The following TAFA4 variants were observed in gnomAD, a reference collection of about 807,000 sequenced individuals.
TAFA4 encodes the protein TAFA chemokine like family member 4.
Under a neutral mutation model 21.1 loss-of-function variants are expected in TAFA4, and 20 were observed. That is an observed-to-expected ratio of 0.95 (90% CI 0.67 to 1.38). The LOEUF is 1.38. Ranked by LOEUF, TAFA4 falls within the 40% of genes most tolerant of loss-of-function variation. The pLI, the probability that TAFA4 is intolerant of heterozygous loss-of-function variation, is 0.00. For synonymous variants in TAFA4, 71 were observed against 67.4 expected (o/e 1.05, Z -0.26); for missense variants, 211 against 180.9 (o/e 1.17, Z -0.95).
chr3:68,819,769 T>C lies in TAFA4; in HGVS notation c.130+60961A>G, dbSNP rs1193723061. Among the ~76,000 whole-genome samples, 8 of 152,136 alleles carry C rather than the reference T, an allele frequency of 5.3e-5. 1 individual carries two copies. Among genetic ancestry groups the C allele is most frequent in the African/African-American group, 1.7e-4 (7 of 41,444 alleles). Reference sequence around the variant, plus strand: ...TTCACACCAGTTAGGACGGCTATTATCAAAAAGACAAAGGCTAAGTGTTGG... The same window carrying C: ...TTCACACCAGTTAGGACGGCTATTACCAAAAAGACAAAGGCTAAGTGTTGG... On this transcript the variant is annotated intron_variant, in intron 3 of 5. Transcript: ENST00000295569.
intron 3 of TAFA4, among the ~76,000 whole-genome samples, chr3:68,849,280 A>ACCC (rs1376071816): frequency 6.6e-6 from 1 of 152,148 alleles, no homozygotes; most frequent in Admixed American, 6.5e-5. Flanking sequence ...TGAGGTTTAT[A>ACCC]CCCCCTTCCT....
chr3:68,902,142 A>G (rs2089849762), intron 1 of TAFA4, among the ~76,000 whole-genome samples: 1 of 152,164 alleles, frequency 6.6e-6, no homozygotes, highest in African/African-American at 2.4e-5. Flanking sequence ...CAGTATCCCC[A>G]TTTTACAAAG....
chr3:68,851,389 C>A (rs1389544765), intron 3 of TAFA4, among the ~76,000 whole-genome samples: 2 of 152,038 alleles, frequency 1.3e-5, no homozygotes, highest in African/African-American at 4.8e-5. Flanking sequence ...CTAATGCATG[C>A]TGGACTTAAT....
intron 3 of TAFA4, among the ~76,000 whole-genome samples, chr3:68,761,053 A>G (rs1358631668): frequency 6.6e-6 from 1 of 152,216 alleles, no homozygotes; most frequent in Non-Finnish European, 1.5e-5. Context: ...GCTGGTAACA[A>G]AAGACAGGGT....
At position 68,866,808 on chromosome 3, in the gene TAFA4, G is replaced by A. The variant is rs1826136; in HGVS notation, c.130+13922C>T. On this transcript the variant is annotated intron_variant, in intron 3 of 5. Transcript: ENST00000295569. ...AATGCATTAGAAGTTCTCAATAGCA[G>A]AATGAATAAAACCAGAAAAAAGTCT... Among the ~76,000 whole-genome samples the A allele has an allele frequency of 2.4e-4, 36 of 151,444 alleles. No individual in the cohort carries two copies. The East Asian group carries it at 6.6e-3, about 28-fold the overall frequency.
intron 1 of TAFA4, among the ~76,000 whole-genome samples, chr3:68,914,000 T>C (rs539238281): frequency 6.6e-6 from 1 of 152,326 alleles, no homozygotes; most frequent in South Asian, 2.1e-4. Flanking sequence ...TGGCAAGAAG[T>C]AGTCCTGACT....
At chr3:68,925,871 A>G (rs2090103485) in intron 1 of TAFA4, among the ~76,000 whole-genome samples, 1 of 152,134 alleles carries the variant, frequency 6.6e-6, no homozygotes, top group South Asian at 2.1e-4. Flanking sequence ...AAGCCCTCTA[A>G]TGGGCCTTTG....
At chr3:68,909,124 T>C (rs983688296) in intron 1 of TAFA4, among the ~76,000 whole-genome samples, 4 of 152,116 alleles carry the variant, frequency 2.6e-5, no homozygotes, top group African/African-American at 9.7e-5. Context: ...GCTGCACAGC[T>C]CTAGACAACG....
At chr3:68,850,442 T>G (rs1255575725) in intron 3 of TAFA4, among the ~76,000 whole-genome samples, 1 of 152,198 alleles carries the variant, frequency 6.6e-6, no homozygotes, top group Non-Finnish European at 1.5e-5. Context: ...ACGGTATTTC[T>G]GGTTCCAGAT....
chr3:68,779,246 G>T lies in TAFA4; in HGVS notation c.131-26228C>A, dbSNP rs374027867. Among the ~76,000 whole-genome samples the T allele has an allele frequency of 1.8e-4, 28 of 152,216 alleles. No individual in the cohort carries two copies. The South Asian group carries it at 3.3e-3, about 18-fold the overall frequency. The stretch of plus-strand genomic sequence containing the variant: ...CTTGGGTGTTCTTAAAGGCATTCAG[G>T]TTTAAAAGGGAAACAGCATAAACGT... On this transcript the variant is annotated intron_variant, in intron 3 of 5. Transcript: ENST00000295569.
intron 3 of TAFA4, among the ~76,000 whole-genome samples, chr3:68,829,948 C>A (rs1043513454): frequency 2.0e-5 from 3 of 152,176 alleles, no homozygotes; most frequent in Non-Finnish European, 2.9e-5. Flanking sequence ...TTATCCATTT[C>A]TTCTAGATTT....
intron 5 of TAFA4, among the ~76,000 whole-genome samples, chr3:68,737,997 A>T (rs573647620): frequency 6.6e-6 from 1 of 152,318 alleles, no homozygotes; most frequent in East Asian, 1.9e-4. Context: ...GAAAGCAAAA[A>T]CAAAGCCAGG....
At chr3:68,876,092 G>C (rs1039891967) in intron 3 of TAFA4, among the ~76,000 whole-genome samples, 2 of 152,086 alleles carry the variant, frequency 1.3e-5, no homozygotes, top group African/African-American at 2.4e-5. Context: ...TAGTTCATGG[G>C]ACTTATCATA....
At chr3:68,798,746 G>A (rs577912819) in intron 3 of TAFA4, among the ~76,000 whole-genome samples, 2 of 152,154 alleles carry the variant, frequency 1.3e-5, no homozygotes, top group South Asian at 4.2e-4. Flanking sequence ...TTGAATTCTT[G>A]TTAAAACTTG....
chr3:68,808,446 T>C (rs997697810), intron 3 of TAFA4, among the ~76,000 whole-genome samples: 5 of 152,226 alleles, frequency 3.3e-5, no homozygotes, highest in Non-Finnish European at 5.9e-5. Flanking sequence ...TATCTTCAAG[T>C]GTTGACTATC....
intron 3 of TAFA4, among the ~76,000 whole-genome samples, chr3:68,771,119 G>A (rs184541103): frequency 2.6e-5 from 4 of 152,122 alleles, no homozygotes; most frequent in Admixed American, 2.6e-4. Context: ...TCCCCCTTCT[G>A]ACTCCCCATC....
chr3:68,733,049 A>G lies in TAFA4; in HGVS notation c.*93T>C. 1.3e-6 allele frequency: 2 copies of G among 1,559,102 alleles called. No homozygotes were observed. Among genetic ancestry groups the G allele is most frequent in the Non-Finnish European group, 1.8e-6 (2 of 1,139,446 alleles). On this transcript the variant is annotated 3_prime_UTR_variant, in exon 6 of 6. Coordinates refer to ENST00000295569, the MANE Select transcript of TAFA4 (RefSeq NM_182522.5). Reference sequence around the variant, plus strand: ...AAATATGAAGTTGCTGAAATCCTAGACAATTTTCTGCAAAGGGGCCATGAT... The same window carrying G: ...AAATATGAAGTTGCTGAAATCCTAGGCAATTTTCTGCAAAGGGGCCATGAT...
rs1457374145 is a variant in TAFA4 at position 68,739,110 on chromosome 3, A to C, written c.376T>G (p.Ser126Ala). Reference sequence around the variant, plus strand: ...TTGACTTTATTGCCACTGCTACAGGACCAACCTGAGTAATCTGGCAGCACT... The same window carrying C: ...TTGACTTTATTGCCACTGCTACAGGCCCAACCTGAGTAATCTGGCAGCACT... ...CKVLPDYSGWSCSSGNKVKTT... is the reference protein window; with the variant it reads ...CKVLPDYSGWACSSGNKVKTT... The change falls in exon 5 of 6, where the codon TCC (serine) becomes GCC (alanine). Residue 126 changes from serine to alanine, a missense_variant. Physicochemically the swap from Ser to Ala is moderately conservative, Grantham distance 99. Coordinates refer to ENST00000295569, the MANE Select transcript of TAFA4 (RefSeq NM_182522.5). The C allele has an allele frequency of 1.1e-5, 17 of 1,614,000 alleles. No homozygotes were observed. The highest frequency in any genetic ancestry group is 1.3e-5 in the Non-Finnish European group (15 of 1,179,882).
chr3:68,818,642 G>T (rs893481568), intron 3 of TAFA4, among the ~76,000 whole-genome samples: 1 of 152,164 alleles, frequency 6.6e-6, no homozygotes, highest in African/African-American at 2.4e-5. Flanking sequence ...TAATATTATT[G>T]TGTCTCAGGG....
Sources: allele counts gnomAD v4.1 joint callset (sites outside exome capture counted in the v4.1 genomes callset), GRCh38; gene constraint gnomAD v4.1.1; transcripts MANE v1.5; gene names NCBI Gene and HGNC (gene_info 2026-07-23, HGNC 2026-07-21).